Variants in HECTD4 observed in about 807,000 individuals in gnomAD.
HECTD4 encodes the protein probable E3 ubiquitin-protein ligase HECTD4.
In HECTD4, 114 loss-of-function variants were observed where a neutral mutation model predicts 471.5. That is an observed-to-expected ratio of 0.24 (90% CI 0.21 to 0.28). The LOEUF is 0.28. Among genes scored for constraint, HECTD4 ranks in the 10% least tolerant of loss-of-function variants. HECTD4 has a pLI of 1.00. For synonymous variants in HECTD4, 2,012 were observed against 2,256.0 expected (o/e 0.89, Z 3.07); for missense variants, 3,866 against 5,651.5 (o/e 0.68, Z 10.13).
At chr12:112,217,320 C>CACACACACAT in intron 45 of HECTD4, 125 bp from the exon 46 acceptor site, 1 of 384,268 alleles carries the variant, frequency 2.6e-6, no homozygotes. Context: ...CACACACATA[C>CACACACACAT]ACACACACAC....
Position 112,231,537 on chromosome 12 carries a change from C to CT in HECTD4, c.6175_6176insA (p.Arg2059GlnfsTer11). 1 of 1,614,028 alleles carries CT rather than the reference C, an allele frequency of 6.2e-7. No individual in the cohort carries two copies. Among genetic ancestry groups the CT allele is most frequent in the East Asian group, 2.2e-5 (1 of 44,892 alleles). On this transcript the variant is annotated frameshift_variant, in exon 39 of 76. Coordinates refer to ENST00000682272, the MANE Select transcript of HECTD4 (RefSeq NM_001388303.1). LOFTEE classifies it high-confidence loss of function. ...CCTTGCAAGCTCCGAGTTCCTCTCT[C>CT]GGCAAATGGAAGTTTGGGCAGTTTT... is the stretch of plus-strand genomic sequence containing the variant.
intron 60 of HECTD4, among the ~76,000 whole-genome samples, chr12:112,189,672 C>T (rs907632753): frequency 6.6e-6 from 1 of 152,050 alleles, no homozygotes; most frequent in African/African-American, 2.4e-5. Context: ...CACCAAAGTC[C>T]CCCTGCCAAC....
intron 66 of HECTD4, among the ~76,000 whole-genome samples, chr12:112,174,893 A>G (rs1452441058): frequency 6.6e-6 from 1 of 152,178 alleles, no homozygotes; most frequent in East Asian, 1.9e-4. Context: ...TGCTGTGGAC[A>G]AGGCTGAGTA....
chr12:112,362,551 G>A (rs1277622012), intron 1 of HECTD4, among the ~76,000 whole-genome samples: 1 of 152,094 alleles, frequency 6.6e-6, no homozygotes, highest in Non-Finnish European at 1.5e-5. Context: ...ATCTGCCTAC[G>A]CATCACTCAT....
chr12:112,313,184 G>A, intron 3 of HECTD4, 37 bp from the exon 4 acceptor site: 1 of 1,499,892 alleles, frequency 6.7e-7, no homozygotes, highest in Non-Finnish European at 8.9e-7. Flanking sequence ...AAGACACTGA[G>A]ACAATCCATT....
chr12:112,381,896 G>C lies in HECTD4; in HGVS notation c.177+56C>G, dbSNP rs2036901988. 5 of 1,162,874 alleles carry C rather than the reference G, an allele frequency of 4.3e-6. No homozygotes were observed. The African/African-American group carries it at 6.4e-5, about 15-fold the overall frequency. 72.0% of individuals were successfully genotyped at this position (1,162,874 alleles called of 1,614,324 possible). Reference sequence around the variant, plus strand: ...GAGGCGAGGAGGGGGCCCGACCCGGGGGTGCCGGGCGAGTGGGTCAGTCCG... The same window carrying C: ...GAGGCGAGGAGGGGGCCCGACCCGGCGGTGCCGGGCGAGTGGGTCAGTCCG... On this transcript the variant is annotated intron_variant, in intron 1 of 75. Transcript: ENST00000682272. The surrounding 1 kb of genome is among the most constrained non-coding windows in gnomAD (Gnocchi z 4.1).
rs1234914041 is a variant in HECTD4, at chr12:112,250,243, T to C, written c.3851A>G (p.Asn1284Ser). 2 of 1,613,798 alleles carry C rather than the reference T, an allele frequency of 1.2e-6. No homozygotes were observed. The highest frequency in any genetic ancestry group is 8.5e-7 in the Non-Finnish European group (1 of 1,179,866). ...PSDVLVPPVG[N>S]YFDLPRIRLP... ...TCTGATCCGAGGCAGATCAAAGTAG[T>C]TTCCAACAGGAGGCACGAGGACATC... Residue 1284 changes from asparagine to serine, a missense_variant, in exon 25 of 76, where the codon AAC becomes AGC. By Grantham distance (46) the Asn-to-Ser change is conservative (BLOSUM62 1). This residue lies in a region of HECTD4 where 281 missense variants were observed against 499.9 expected (regional missense o/e 0.56). Coordinates refer to ENST00000682272, the MANE Select transcript of HECTD4 (RefSeq NM_001388303.1).
intron 1 of HECTD4, among the ~76,000 whole-genome samples, chr12:112,340,799 A>T (rs1375780459): frequency 6.6e-6 from 1 of 152,192 alleles, no homozygotes; most frequent in Non-Finnish European, 1.5e-5. Flanking sequence ...TGTGCATAGG[A>T]ACGATTCTAT....
At chr12:112,352,335 C>CTT (rs1183472420) in intron 1 of HECTD4, among the ~76,000 whole-genome samples, 30 of 136,688 alleles carry the variant, frequency 2.2e-4, no homozygotes, top group East Asian at 1.1e-3. Flanking sequence ...GATGGAGCAT[C>CTT]TTTTTTTTTT....
intron 55 of HECTD4, among the ~76,000 whole-genome samples, chr12:112,195,932 CAGG>C (rs1384543141): frequency 4.6e-5 from 7 of 152,176 alleles, no homozygotes; most frequent in African/African-American, 1.7e-4. Context: ...GAGGCCAAAG[CAGG>C]AGGATTACTT....
In HECTD4 at chr12:112,184,027, A is replaced by G. The variant is rs957122883; in HGVS notation, c.10779+160T>C. Reference sequence around the variant, plus strand: ...GGACTTGGTGTCACTCAGAGACGTTACCCCAAGCAGCCTCACTGTGCTCAT... The same window carrying G: ...GGACTTGGTGTCACTCAGAGACGTTGCCCCAAGCAGCCTCACTGTGCTCAT... On this transcript the variant is annotated intron_variant, in intron 61 of 75. Coordinates refer to ENST00000682272, the MANE Select transcript of HECTD4 (RefSeq NM_001388303.1). The surrounding 1 kb of genome is among the most constrained non-coding windows in gnomAD (Gnocchi z 9.1). 1.3e-4 allele frequency among the ~76,000 whole-genome samples: 20 copies of G among 152,132 alleles called. No homozygotes were observed. Among genetic ancestry groups the G allele is most frequent in the African/African-American group, 4.3e-4 (18 of 41,410 alleles).
At chr12:112,263,999 ACAT>A in intron 17 of HECTD4, 82 bp downstream of exon 17, 1 of 1,290,626 alleles carries the variant, frequency 7.7e-7, no homozygotes. Flanking sequence ...GTGAATTCTG[ACAT>A]CATAAAACAC....
intron 7 of HECTD4, among the ~76,000 whole-genome samples, chr12:112,290,429 G>A (rs2034851456): frequency 6.6e-6 from 1 of 152,070 alleles, no homozygotes; most frequent in Non-Finnish European, 1.5e-5. Flanking sequence ...GGAGGCAGAC[G>A]TGAGAAGATC....
chr12:112,204,727 A>G (rs1300286711), intron 52 of HECTD4, 104 bp from the exon 53 acceptor site: 1 of 932,994 alleles, frequency 1.1e-6, no homozygotes, highest in African/African-American at 1.7e-5. Flanking sequence ...TCTTTCAAAC[A>G]TTGTTTATGA....
chr12:112,224,203 C>G (rs963750714), intron 44 of HECTD4, among the ~76,000 whole-genome samples: 2 of 151,774 alleles, frequency 1.3e-5, no homozygotes, highest in Non-Finnish European at 2.9e-5. Context: ...AGTCAGTAAA[C>G]TTTGCCATTT....
At position 112,185,078 on chromosome 12, in the gene HECTD4, C is replaced by CGAG. The variant is rs751226735; in HGVS notation, c.9885_9887dup (p.Ser3298dup). On this transcript the variant is annotated inframe_insertion, in exon 61 of 76. Coordinates refer to ENST00000682272, the MANE Select transcript of HECTD4 (RefSeq NM_001388303.1). ...TCTGTGGGGTCTGTCCTGGGGAGGA[C>CGAG]GAGGAGGAGGAGGACGAGTCACTGA... 3.2e-6 allele frequency: 5 copies of CGAG among 1,580,892 alleles called. No homozygotes were observed. In the East Asian group the frequency reaches 6.9e-5, roughly 22 times the overall value.
At chr12:112,285,645 TC>T (rs2034736231) in intron 7 of HECTD4, among the ~76,000 whole-genome samples, 1 of 152,192 alleles carries the variant, frequency 6.6e-6, no homozygotes, top group Non-Finnish European at 1.5e-5. Context: ...CAATGAATAC[TC>T]GATTGCTTGC....
At chr12:112,249,014 T>C (rs555143202) in intron 25 of HECTD4, among the ~76,000 whole-genome samples, 7 of 152,222 alleles carry the variant, frequency 4.6e-5, no homozygotes, top group Non-Finnish European at 8.8e-5. Flanking sequence ...GAGTCTTACG[T>C]TGGCAAATAA....
Position 112,162,226 on chromosome 12 carries a change from T to C in HECTD4, c.*161A>G. On this transcript the variant is annotated 3_prime_UTR_variant, in exon 76 of 76. Coordinates refer to ENST00000682272, the MANE Select transcript of HECTD4 (RefSeq NM_001388303.1). The surrounding 1 kb of genome is among the most constrained non-coding windows in gnomAD (Gnocchi z 5.2). ...TCACGAAACGTACAAAGACAAAAGG[T>C]TAAGTCTTCCAGGAGGCCCTGGAAT... The C allele has an allele frequency of 1.4e-6, 1 of 704,506 alleles. No homozygotes were observed. Among genetic ancestry groups the C allele is most frequent in the Non-Finnish European group, 2.4e-6 (1 of 422,000 alleles). 43.6% of individuals were successfully genotyped at this position (704,506 alleles called of 1,614,324 possible). A position where few individuals can be genotyped will look rare whatever the true frequency, so the allele number is the denominator to read the frequency against.
Sources: allele counts gnomAD v4.1 joint callset (sites outside exome capture counted in the v4.1 genomes callset), GRCh38; gene constraint gnomAD v4.1.1; regional missense constraint gnomAD v4.1.1; non-coding constraint Gnocchi (gnomAD v3.1); transcripts MANE v1.5; gene names NCBI Gene and HGNC (gene_info 2026-07-23, HGNC 2026-07-21).